Variants in KIF6 observed in about 807,000 individuals in gnomAD.
KIF6 encodes the protein kinesin-like protein KIF6.
Under a neutral mutation model 112.7 loss-of-function variants are expected in KIF6, and 106 were observed. The ratio of observed to expected loss-of-function variants is 0.94; its 90% CI spans 0.80 to 1.11. The LOEUF (loss-of-function observed/expected upper bound fraction) is 1.11. Ranked by LOEUF, KIF6 falls within the 50% of genes least tolerant of loss-of-function variation. The pLI is 0.00. For synonymous variants in KIF6, 339 were observed against 339.9 expected (o/e 1.00, Z 0.03); for missense variants, 929 against 964.0 (o/e 0.96, Z 0.48).
chr6:39,647,302 T>G (rs1194820969), intron 3 of KIF6, among the ~76,000 whole-genome samples: 1 of 151,850 alleles, frequency 6.6e-6, no homozygotes, highest in Non-Finnish European at 1.5e-5. Context: ...CTTTGAGAGG[T>G]CTGTTTTTCT....
chr6:39,711,652 C>A (rs1220635996), intron 3 of KIF6, among the ~76,000 whole-genome samples: 1 of 152,016 alleles, frequency 6.6e-6, no homozygotes, highest in Non-Finnish European at 1.5e-5. Flanking sequence ...GTTCCCCAGT[C>A]CTGAATTTTT....
intron 13 of KIF6, among the ~76,000 whole-genome samples, chr6:39,516,443 AAT>A (rs1430430897): frequency 1.4e-5 from 2 of 148,126 alleles, no homozygotes; most frequent in African/African-American, 4.9e-5. Context: ...TAAAATATCT[AAT>A]ATATTATTTA....
At chr6:39,371,189 G>A (rs774587271) in intron 16 of KIF6, among the ~76,000 whole-genome samples, 56 of 152,160 alleles carry the variant, frequency 3.7e-4, no homozygotes, top group Non-Finnish European at 6.8e-4. Flanking sequence ...GCTCCAGCAC[G>A]CCTCTGAGCT....
At chr6:39,694,511 C>T (rs1323590044) in intron 3 of KIF6, among the ~76,000 whole-genome samples, 1 of 152,124 alleles carries the variant, frequency 6.6e-6, no homozygotes, top group African/African-American at 2.4e-5. Context: ...ACTATCATTT[C>T]TGTACACCAA....
intron 13 of KIF6, among the ~76,000 whole-genome samples, chr6:39,499,807 G>A (rs1308376536): frequency 6.6e-6 from 1 of 152,216 alleles, no homozygotes; most frequent in African/African-American, 2.4e-5. Flanking sequence ...GTGGTGATGA[G>A]CTGAAGATAG....
intron 13 of KIF6, among the ~76,000 whole-genome samples, chr6:39,455,242 AC>A (rs1772991852): frequency 2.0e-5 from 3 of 151,298 alleles, no homozygotes; most frequent in South Asian, 4.2e-4. Flanking sequence ...ACTGGGAGGC[AC>A]CCCCCAGCAG....
intron 13 of KIF6, among the ~76,000 whole-genome samples, chr6:39,533,218 C>T (rs570247839): frequency 1.3e-5 from 2 of 152,360 alleles, no homozygotes; most frequent in South Asian, 2.1e-4. Context: ...CATTGCCTCA[C>T]TCGGGAAGCG....
intron 12 of KIF6, among the ~76,000 whole-genome samples, chr6:39,542,788 T>C (rs1428084162): frequency 6.6e-6 from 1 of 152,218 alleles, no homozygotes; most frequent in African/African-American, 2.4e-5. Context: ...CAGCAGGTCT[T>C]ATGGTCCTGC....
intron 13 of KIF6, among the ~76,000 whole-genome samples, chr6:39,531,998 T>G (rs1778093406): frequency 6.6e-6 from 1 of 152,170 alleles, no homozygotes; most frequent in Non-Finnish European, 1.5e-5. Flanking sequence ...TGGAAAGCTA[T>G]TCATGCCATT....
At chr6:39,562,851 A>G (rs1373252219) in intron 10 of KIF6, among the ~76,000 whole-genome samples, 1 of 152,238 alleles carries the variant, frequency 6.6e-6, no homozygotes, top group Non-Finnish European at 1.5e-5. Context: ...GAGGTAGAGA[A>G]TATTTCATGT....
chr6:39,372,264 G>A (rs577295893), intron 16 of KIF6, among the ~76,000 whole-genome samples: 13 of 152,252 alleles, frequency 8.5e-5, no homozygotes, highest in African/African-American at 2.6e-4. Context: ...GGGAAGAGAC[G>A]GTGGGAGAAC....
chr6:39,454,731 C>T (rs974793530), intron 13 of KIF6, among the ~76,000 whole-genome samples: 27 of 152,072 alleles, frequency 1.8e-4, no homozygotes, highest in Admixed American at 9.2e-4. Context: ...TCAGGGAGTT[C>T]CCTTTCCGAG....
intron 3 of KIF6, among the ~76,000 whole-genome samples, chr6:39,657,084 T>A (rs1220510869): frequency 3.3e-5 from 5 of 151,378 alleles, no homozygotes; most frequent in Admixed American, 3.3e-4. Flanking sequence ...TACAAAAAAA[T>A]TTGCCAGGCC....
chr6:39,484,230 A>C (rs1322943564), intron 13 of KIF6, among the ~76,000 whole-genome samples: 1 of 152,224 alleles, frequency 6.6e-6, no homozygotes, highest in Non-Finnish European at 1.5e-5. Context: ...GGCCTGCTCC[A>C]TGGCAGATGC....
chr6:39,439,795 A>G (rs1362872906), intron 13 of KIF6, among the ~76,000 whole-genome samples: 5 of 152,140 alleles, frequency 3.3e-5, no homozygotes, highest in African/African-American at 1.2e-4. Flanking sequence ...ACAGGGTCCC[A>G]TGGAAACCAA....
chr6:39,500,494 C>T (rs538394447), intron 13 of KIF6, among the ~76,000 whole-genome samples: 2 of 152,170 alleles, frequency 1.3e-5, no homozygotes, highest in Non-Finnish European at 1.5e-5. Context: ...AAATATAATG[C>T]GTGAAATTGG....
chr6:39,651,081 C>A (rs1257634933), intron 3 of KIF6, among the ~76,000 whole-genome samples: 2 of 151,968 alleles, frequency 1.3e-5, no homozygotes, highest in African/African-American at 2.4e-5. Context: ...TTTTTAAAAA[C>A]CCAAAGGGCT....
intron 1 of KIF6, among the ~76,000 whole-genome samples, chr6:39,723,496 C>T (rs1329928239): frequency 6.6e-6 from 1 of 152,140 alleles, no homozygotes; most frequent in African/African-American, 2.4e-5. Context: ...AATCTAAATG[C>T]CCATCAGTGA....
intron 10 of KIF6, among the ~76,000 whole-genome samples, chr6:39,570,838 C>T (rs1780601274): frequency 6.6e-6 from 1 of 152,154 alleles, no homozygotes; most frequent in African/African-American, 2.4e-5. Context: ...CCAAGCCATG[C>T]TAAACTGTGA....
Sources: allele counts gnomAD v4.1 joint callset (sites outside exome capture counted in the v4.1 genomes callset), GRCh38; gene constraint gnomAD v4.1.1; transcripts MANE v1.5; gene names NCBI Gene and HGNC (gene_info 2026-07-23, HGNC 2026-07-21).